LHFPL6: variants seen among roughly 807,000 people sequenced by gnomAD.
The protein encoded by LHFPL6 is LHFPL tetraspan subfamily member 6.
A neutral mutation model predicts 20.6 loss-of-function variants in LHFPL6; 9 were observed. The observed-to-expected ratio is 0.44, with a 90% CI of 0.26 to 0.76. The LOEUF is 0.76. LHFPL6 is among the 30% of genes least tolerant of loss of function. The pLI is 0.20. For missense variants in LHFPL6, 218 were observed against 253.5 expected, an observed-to-expected ratio of 0.86 and a Z score of 0.95; for synonymous variants, 105 against 98.7, an observed-to-expected ratio of 1.06 and a Z score of -0.38.
chr13:39,482,001 C>T (rs945936351), intron 2 of LHFPL6, among the ~76,000 whole-genome samples: 5 of 152,012 alleles, frequency 3.3e-5, no homozygotes, highest in South Asian at 2.1e-4. Context: ...AAGTTCATTC[C>T]GGCCATGTTT....
At chr13:39,347,189 C>T (rs1869428826) in intron 3 of LHFPL6, among the ~76,000 whole-genome samples, 1 of 151,802 alleles carries the variant, frequency 6.6e-6, no homozygotes, top group Non-Finnish European at 1.5e-5. Flanking sequence ...ACTTCATGAC[C>T]ACTCTCTCCT....
chr13:39,351,720 G>A (rs888939044), intron 3 of LHFPL6, among the ~76,000 whole-genome samples: 5 of 152,142 alleles, frequency 3.3e-5, no homozygotes, highest in African/African-American at 4.8e-5. Flanking sequence ...GTACGCACCC[G>A]TAATAATTGC....
At chr13:39,446,302 G>C (rs535157333) in intron 2 of LHFPL6, among the ~76,000 whole-genome samples, 1 of 152,248 alleles carries the variant, frequency 6.6e-6, no homozygotes, top group East Asian at 1.9e-4. Context: ...ATCCTCTCCT[G>C]TGCACTGTAA....
chr13:39,562,517 T>C (rs890408454), intron 2 of LHFPL6, among the ~76,000 whole-genome samples: 5 of 144,822 alleles, frequency 3.5e-5, no homozygotes, highest in African/African-American at 1.2e-4. Context: ...TATATACATA[T>C]ATACACATAT....
chr13:39,371,205 A>G (rs1377485198), intron 3 of LHFPL6, among the ~76,000 whole-genome samples: 1 of 152,248 alleles, frequency 6.6e-6, no homozygotes, highest in Non-Finnish European at 1.5e-5. Context: ...TGGCTTCTTA[A>G]TCAAATTAAA....
chr13:39,475,891 A>G (rs767761875), intron 2 of LHFPL6, among the ~76,000 whole-genome samples: 3 of 152,180 alleles, frequency 2.0e-5, no homozygotes, highest in Non-Finnish European at 4.4e-5. Flanking sequence ...GCTGGCAGTG[A>G]AGGGCGGAGT....
chr13:39,418,781 C>T (rs1434296548), intron 2 of LHFPL6, among the ~76,000 whole-genome samples: 1 of 152,170 alleles, frequency 6.6e-6, no homozygotes, highest in Non-Finnish European at 1.5e-5. Flanking sequence ...TTTGCCTTTC[C>T]TATCTTCTAC....
intron 2 of LHFPL6, among the ~76,000 whole-genome samples, chr13:39,429,347 TG>T (rs1355979366): frequency 3.9e-5 from 6 of 152,192 alleles, no homozygotes; most frequent in Non-Finnish European, 7.4e-5. Context: ...TAAGGTATCC[TG>T]ATGAATTGAC....
At chr13:39,374,290 G>C (rs188096349) in intron 3 of LHFPL6, among the ~76,000 whole-genome samples, 49 of 152,122 alleles carry the variant, frequency 3.2e-4, no homozygotes, top group African/African-American at 9.4e-4. Context: ...ACCAAATATT[G>C]CATGTTCTCA....
chr13:39,485,080 T>C (rs1303622826), intron 2 of LHFPL6, among the ~76,000 whole-genome samples: 1 of 152,228 alleles, frequency 6.6e-6, no homozygotes, highest in Non-Finnish European at 1.5e-5. Context: ...TAATGCTTTA[T>C]AAATTTCAGG....
intron 2 of LHFPL6, among the ~76,000 whole-genome samples, chr13:39,389,672 A>ATGTTATGTTTGGCAAGCATGTTAT (rs1234753940): frequency 6.6e-5 from 10 of 152,204 alleles, no homozygotes; most frequent in Non-Finnish European, 1.5e-4. Flanking sequence ...TGTGGCAGAC[A>ATGTTATGTTTGGCAAGCATGTTAT]GTGGCATGTT....
intron 3 of LHFPL6, among the ~76,000 whole-genome samples, chr13:39,347,608 C>T (rs1165846922): frequency 1.3e-5 from 2 of 151,048 alleles, no homozygotes; most frequent in Non-Finnish European, 2.9e-5. Context: ...ACAATGACCT[C>T]CATTAATACA....
In LHFPL6 at chr13:39,534,574, G is replaced by A. The variant is rs577457736; in HGVS notation, c.385+66258C>T. On this transcript the variant is annotated intron_variant, in intron 2 of 3. Coordinates refer to ENST00000379589, the MANE Select transcript of LHFPL6 (RefSeq NM_005780.3). ...AGTCAAGATCCAAAATGTGTAAATA[G>A]CACATTGCTACTTATTAAGGAGAGA... 1.7e-4 allele frequency among the ~76,000 whole-genome samples: 26 copies of A among 152,248 alleles called. No individual in the cohort carries two copies. In the South Asian group the frequency reaches 5.2e-3, roughly 30 times the overall value.
chr13:39,440,563 G>A (rs190746104), intron 2 of LHFPL6, among the ~76,000 whole-genome samples: 3 of 152,200 alleles, frequency 2.0e-5, no homozygotes, highest in East Asian at 3.9e-4. Flanking sequence ...ACATAGATAG[G>A]CCCTTTCTTG....
intron 2 of LHFPL6, among the ~76,000 whole-genome samples, chr13:39,448,572 A>T (rs1047267545): frequency 6.6e-6 from 1 of 152,248 alleles, no homozygotes; most frequent in African/African-American, 2.4e-5. Flanking sequence ...AACGTACAAA[A>T]TTGCTATGAT....
intron 2 of LHFPL6, among the ~76,000 whole-genome samples, chr13:39,548,065 T>G (rs904978922): frequency 6.6e-6 from 1 of 151,522 alleles, no homozygotes; most frequent in East Asian, 1.9e-4. Flanking sequence ...ATAATTACCA[T>G]GGCAAGATAA....
chr13:39,354,921 C>G (rs1419605329), intron 3 of LHFPL6, among the ~76,000 whole-genome samples: 1 of 151,552 alleles, frequency 6.6e-6, no homozygotes, highest in Non-Finnish European at 1.5e-5. Context: ...AGAGGCCACA[C>G]CTACGACTCA....
At chr13:39,479,062 G>T (rs1593328748) in intron 2 of LHFPL6, among the ~76,000 whole-genome samples, 1 of 151,240 alleles carries the variant, frequency 6.6e-6, no homozygotes, top group African/African-American at 2.4e-5. Context: ...TAGATAGATA[G>T]ATAGATAGAT....
intron 3 of LHFPL6, among the ~76,000 whole-genome samples, chr13:39,348,149 G>A (rs1294987929): frequency 6.6e-6 from 1 of 152,198 alleles, no homozygotes; most frequent in Non-Finnish European, 1.5e-5. Context: ...AATAGCAGAA[G>A]TTTAAGCTTC....
Sources: allele counts gnomAD v4.1 joint callset (sites outside exome capture counted in the v4.1 genomes callset), GRCh38; gene constraint gnomAD v4.1.1; transcripts MANE v1.5; gene names NCBI Gene and HGNC (gene_info 2026-07-23, HGNC 2026-07-21).